Variants in PDZD4 observed in about 807,000 individuals in gnomAD.
The protein encoded by PDZD4 is PDZ domain containing 4, also known as PDZ domain-containing protein 4.
A neutral mutation model predicts 38.5 loss-of-function variants in PDZD4; 9 were observed. The observed-to-expected ratio is 0.23, with a 90% confidence interval of 0.14 to 0.41. The LOEUF is 0.41. PDZD4 is among the 10% of genes least tolerant of loss of function. The pLI, the probability that PDZD4 is intolerant of heterozygous loss-of-function variation, is 1.00. For missense variants in PDZD4, 612 were observed against 722.0 expected (o/e 0.85, Z 1.75); for synonymous variants, 349 against 315.7 (o/e 1.11, Z -1.12).
chrX:153,812,543 G>A (rs937986911), intron 1 of PDZD4, among the ~76,000 whole-genome samples: 2 of 111,201 alleles, frequency 1.8e-5, no homozygotes, highest in Non-Finnish European at 3.8e-5. Context: ...GCAGCAACCA[G>A]AGTGATCGCC....
Position 153,822,205 on chromosome X carries a change from AAC to A in PDZD4, c.60+8032_60+8033del, listed in dbSNP as rs201570864. On this transcript the variant is annotated intron_variant, in intron 1 of 7. Transcript: ENST00000393758. ...CTGTCTCAAAAAAAAAAAAAAAAAAAACACACAGGAAAAGAGGGGTGTCCCAC... is the reference window on the plus strand; with the variant it reads ...CTGTCTCAAAAAAAAAAAAAAAAAAAACACAGGAAAAGAGGGGTGTCCCAC... 1.6e-3 allele frequency among the ~76,000 whole-genome samples: 168 copies of A among 102,116 alleles called. 4 individuals carry two copies. In the East Asian group the frequency reaches 0.039, roughly 24 times the overall value. The allele number at this position is 102,116 out of a possible 115,157, so 88.7% of individuals were successfully genotyped here.
chrX:153,819,492 C>G (rs782748423), intron 1 of PDZD4, among the ~76,000 whole-genome samples: 30 of 112,340 alleles, frequency 2.7e-4, no homozygotes, highest in African/African-American at 8.1e-4. Context: ...TCCAGGGGCC[C>G]CCGTGGCTGC....
intron 2 of PDZD4, among the ~76,000 whole-genome samples, chrX:153,807,697 G>A (rs868957734): frequency 8.1e-5 from 3 of 36,834 alleles, no homozygotes; most frequent in South Asian, 2.0e-3. Flanking sequence ...GTGCCCACCC[G>A]CCCGCCCAGC....
intron 1 of PDZD4, among the ~76,000 whole-genome samples, chrX:153,814,031 AAAT>A (rs1332685557): frequency 1.7e-4 from 19 of 111,275 alleles, no homozygotes; most frequent in Admixed American, 5.7e-4. Flanking sequence ...ACCTTTTAAA[AAAT>A]AATAATAATA....
In PDZD4 at chrX:153,805,183, C is replaced by T; in HGVS notation, c.694G>A (p.Asp232Asn). ...SQLAKRWKDS[D>N]RDDFLDDFGS... ...AAGTCATCCAGGAAGTCATCCCGGT[C>T]GCTGTCCTTCCACCTTTTCGCCAGC... The change falls in exon 7 of 8, where the codon GAC becomes AAC. Residue 232 changes from aspartate to asparagine, a missense_variant. Around this residue, in one of 3 missense-constraint regions of PDZD4, gnomAD observed 225 missense variants for 311.0 expected, o/e 0.72. Transcript: ENST00000393758. 1.7e-6 allele frequency: 2 copies of T among 1,211,474 alleles called. No homozygotes were observed. Among genetic ancestry groups the T allele is most frequent in the Non-Finnish European group, 2.2e-6 (2 of 895,311 alleles).
In PDZD4 at chrX:153,805,623, A is replaced by T; in HGVS notation, c.568-17T>A. 1 of 1,179,961 alleles carries T rather than the reference A, an allele frequency of 8.5e-7. No individual in the cohort carries two copies. On this transcript the variant is annotated splice_polypyrimidine_tract_variant and intron_variant, in intron 5 of 7. Coordinates refer to ENST00000393758, the MANE Select transcript of PDZD4 (RefSeq NM_001303512.2). ...ACCGTTAATCTGAGGCAGGCAGGAT[A>T]CAATCAACAAGCATGCTAGGGCTGG...
At chrX:153,806,019 C>G in intron 5 of PDZD4, 52 bp downstream of exon 5, 1 of 1,183,524 alleles carries the variant, frequency 8.4e-7, no homozygotes, top group South Asian at 1.8e-5. Context: ...GGTGGCTGGG[C>G]CGACGGGCAC....
rs2064530156 is a variant in PDZD4 at position 153,830,361 on chromosome X, C to A, written c.-63G>T. On this transcript the variant is annotated 5_prime_UTR_variant, in exon 1 of 8. Coordinates refer to ENST00000393758, the MANE Select transcript of PDZD4 (RefSeq NM_001303512.2). ...GGAAGACGCCTTTCACTGACCCGGG[C>A]GCGGGACCTCGGGTCCCGGGCCGGG... 1 of 1,080,532 alleles carries A rather than the reference C, an allele frequency of 9.3e-7. No homozygotes were observed. The highest frequency in any genetic ancestry group is 1.3e-6 in the Non-Finnish European group (1 of 789,512). 89.0% of individuals were successfully genotyped at this position (1,080,532 alleles called of 1,213,427 possible).
intron 1 of PDZD4, among the ~76,000 whole-genome samples, chrX:153,817,116 G>A (rs1434417716): frequency 9.0e-6 from 1 of 111,295 alleles, no homozygotes; most frequent in Non-Finnish European, 1.9e-5. Flanking sequence ...GAGAGGACGC[G>A]GGGACCCTGG....
In PDZD4 at chrX:153,806,080, G is replaced by A. The variant is rs781919699; in HGVS notation, c.558C>T (p.Arg186=). 1 of 1,211,934 alleles carries A rather than the reference G, an allele frequency of 8.3e-7. No individual in the cohort carries two copies. The stretch of plus-strand genomic sequence containing the variant: ...GCCTGCAAGTGCTCACCTGGATGAT[G>A]CGGTCTCCCTCACGGATCCGGCCGT... The part of the protein sequence containing the change: ...AKDGRIREGD[R]IIQINGVDVQ... The change falls in exon 5 of 8, where the codon CGC becomes CGT. Residue 186 remains arginine, a synonymous_variant. Transcript: ENST00000393758.
intron 5 of PDZD4, 56 bp downstream of exon 5, chrX:153,806,015 T>G (rs1557076884): frequency 8.5e-7 from 1 of 1,170,969 alleles, no homozygotes; most frequent in African/African-American, 1.8e-5. Flanking sequence ...GAGAGGTGGC[T>G]GGGCCGACGG....
chrX:153,807,251 C>T (rs782218878), intron 3 of PDZD4, 28 bp downstream of exon 3: 6 of 1,195,969 alleles, frequency 5.0e-6, no homozygotes, highest in Admixed American at 2.2e-5. Context: ...CAGCTGGCTG[C>T]GGGCCCTGGC....
intron 1 of PDZD4, among the ~76,000 whole-genome samples, chrX:153,820,817 C>T (rs1223137326): frequency 2.7e-5 from 3 of 111,474 alleles, no homozygotes; most frequent in Non-Finnish European, 5.7e-5. Context: ...CTGGCAGGGT[C>T]AGGCTGCCCC....
intron 1 of PDZD4, among the ~76,000 whole-genome samples, chrX:153,818,706 G>A (rs2064387498): frequency 9.0e-6 from 1 of 110,832 alleles, no homozygotes; most frequent in South Asian, 3.8e-4. Flanking sequence ...GAGGGGGCCG[G>A]GTGGGGAAGC....
At chrX:153,819,058 G>C (rs1277060788) in intron 1 of PDZD4, among the ~76,000 whole-genome samples, 15 of 112,757 alleles carry the variant, frequency 1.3e-4, no homozygotes, top group African/African-American at 4.8e-4. Context: ...CGGAGCCCCA[G>C]GCGCGCTCGC....
Position 153,807,311 on chromosome X carries a change from C to T in PDZD4, c.373G>A (p.Glu125Lys). ...TCCAGCTCATCCAAGCGGTCTGCCT[C>T]CTGCGGGCCGCCCTCCATAAACTCC... ...PAEFMEGGPQ[E>K]ADRLDELEYE... Residue 125 changes from glutamate to lysine, a missense_variant, in exon 3 of 8, where the codon GAG becomes AAG. Around this residue, in one of 3 missense-constraint regions of PDZD4, gnomAD observed 225 missense variants for 311.0 expected, o/e 0.72. Transcript: ENST00000393758. The T allele has an allele frequency of 2.5e-6, 3 of 1,210,525 alleles. No homozygotes were observed. Among genetic ancestry groups the T allele is most frequent in the Non-Finnish European group, 3.4e-6 (3 of 895,136 alleles).
chrX:153,818,899 CAG>C (rs1477608355), intron 1 of PDZD4, among the ~76,000 whole-genome samples: 1 of 97,752 alleles, frequency 1.0e-5, no homozygotes, highest in Non-Finnish European at 2.1e-5. Flanking sequence ...GACACAGGGA[CAG>C]GGGAGGGGGC....
rs1557075599 is a variant in PDZD4 at position 153,803,893 on chromosome X, C to T, written c.1788G>A (p.Thr596=). The T allele has an allele frequency of 1.7e-6, 2 of 1,181,677 alleles. No individual in the cohort carries two copies. The highest frequency in any genetic ancestry group is 1.9e-5 in the South Asian group (1 of 53,774). The change falls in exon 8 of 8, where the codon ACG becomes ACA. Residue 596 remains threonine (T), a synonymous_variant. Coordinates refer to ENST00000393758, the MANE Select transcript of PDZD4 (RefSeq NM_001303512.2). ...HYHSCVQLAP[T]RGLEELGHGP... ...CGTGGCCCAGCTCCTCCAGGCCTCG[C>T]GTCGGGGCCAGCTGCACGCAGCTGT... is the stretch of plus-strand genomic sequence containing the variant.
At chrX:153,822,623 T>TTC (rs372129887) in intron 1 of PDZD4, among the ~76,000 whole-genome samples, 92 of 89,840 alleles carry the variant, frequency 1.0e-3, no homozygotes, top group African/African-American at 1.7e-3. Flanking sequence ...TGTTTTTTCT[T>TTC]TCTCTCTCTC....
Sources: allele counts gnomAD v4.1 joint callset (sites outside exome capture counted in the v4.1 genomes callset), GRCh38; gene constraint gnomAD v4.1.1; regional missense constraint gnomAD v4.1.1; transcripts MANE v1.5; gene names NCBI Gene and HGNC (gene_info 2026-07-23, HGNC 2026-07-21).